Variants in KIFC3 observed in about 807,000 individuals in gnomAD.
KIFC3 encodes the protein kinesin family member C3.
A neutral mutation model predicts 101.8 loss-of-function variants in KIFC3; 60 were observed. The ratio of observed to expected loss-of-function variants is 0.59; its 90% confidence interval spans 0.48 to 0.73. The LOEUF (loss-of-function observed/expected upper bound fraction) is 0.73. KIFC3 is among the 30% of genes least tolerant of loss of function. The pLI, the probability that KIFC3 is intolerant of heterozygous loss-of-function variation, is 0.00. For missense variants in KIFC3, 966 were observed against 1,137.1 expected, an observed-to-expected ratio of 0.85 and a Z score of 2.16; for synonymous variants, 476 against 482.7, an observed-to-expected ratio of 0.99 and a Z score of 0.18.
intron 1 of KIFC3, among the ~76,000 whole-genome samples, chr16:57,860,777 A>G (rs1476105947): frequency 2.0e-5 from 3 of 152,126 alleles, no homozygotes; most frequent in Admixed American, 1.3e-4. Flanking sequence ...CAGTGGCACT[A>G]TCATGGCTTA....
At chr16:57,765,023 G>C (rs2050315283) in intron 11 of KIFC3, among the ~76,000 whole-genome samples, 1 of 151,796 alleles carries the variant, frequency 6.6e-6, no homozygotes. Flanking sequence ...CACCTGAATG[G>C]GAGGACCCAA....
rs782681615 is a variant in KIFC3 at position 57,828,614 on chromosome 16, C to T, written c.109-30332G>A. Reference sequence around the variant, plus strand: ...GTCCCAGCTCTACCCTGATGGATCCCGTCTCTGGCAGACCTGGGCAGAGGA... The same window carrying T: ...GTCCCAGCTCTACCCTGATGGATCCTGTCTCTGGCAGACCTGGGCAGAGGA... On this transcript the variant is annotated intron_variant, in intron 1 of 2. Transcript: ENST00000563028. Among the ~76,000 whole-genome samples the T allele has an allele frequency of 2.6e-5, 4 of 152,188 alleles. No homozygotes were observed. The East Asian group carries it at 5.8e-4, about 22-fold the overall frequency.
Position 57,798,233 on chromosome 16 carries a change from G to A in KIFC3, c.11C>T (p.Ser4Phe), listed in dbSNP as rs781791625. MVPSRRTWNLGATP... is the reference protein window; with the variant it reads MVPFRRTWNLGATP... ...GGCTCCCAGGTTCCACGTCCTGCGAGAGGGGACCATGGCCTGGGGCTCAGC... is the reference window on the plus strand; with the variant it reads ...GGCTCCCAGGTTCCACGTCCTGCGAAAGGGGACCATGGCCTGGGGCTCAGC... The change falls in exon 2 of 20, where the codon TCT (serine) becomes TTT (phenylalanine). Residue 4 changes from serine to phenylalanine, a missense_variant. Transcript: ENST00000445690. 4 of 1,552,030 alleles carry A rather than the reference G, an allele frequency of 2.6e-6. No homozygotes were observed. The South Asian group carries it at 4.7e-5, about 18-fold the overall frequency.
intron 1 of KIFC3, among the ~76,000 whole-genome samples, chr16:57,833,867 T>TC (rs1555479829): frequency 1.8e-5 from 1 of 56,590 alleles, no homozygotes. Context: ...ATGCAGTTGC[T>TC]TTTTTTTTTT....
chr16:57,786,056 T>G (rs2053283395), intron 3 of KIFC3, among the ~76,000 whole-genome samples: 1 of 152,194 alleles, frequency 6.6e-6, no homozygotes, highest in Non-Finnish European at 1.5e-5. Flanking sequence ...AGGAACGTTA[T>G]TTCTTTAAGT....
rs1316590604 is a variant in KIFC3 at position 57,850,943 on chromosome 16, CTCCCTCCTTCCTTCCTTCCT to C, written c.108+11766_108+11785del. On this transcript the variant is annotated intron_variant, in intron 1 of 2. Transcript: ENST00000563028. Reference sequence around the variant, plus strand: ...ATTTGATTTCAACTTCTTTCCTTCCCTCCCTCCTTCCTTCCTTCCTTCCTTCCTTCCTTCCTTCCTTCCTT... The same window carrying C: ...ATTTGATTTCAACTTCTTTCCTTCCCTCCTTCCTTCCTTCCTTCCTTCCTT... 2.2e-3 allele frequency among the ~76,000 whole-genome samples: 108 copies of C among 50,020 alleles called. 2 individuals are homozygous for C. Among genetic ancestry groups the C allele is most frequent in the East Asian group, 0.012 (12 of 1,014 alleles). The allele number at this position is 50,020 out of a possible 152,430, so 32.8% of individuals were successfully genotyped here.
intron 1 of KIFC3, among the ~76,000 whole-genome samples, chr16:57,821,064 G>A (rs1427166773): frequency 2.6e-5 from 4 of 151,866 alleles, no homozygotes; most frequent in Non-Finnish European, 5.9e-5. Context: ...GCAGAAGTTC[G>A]AGGCCGCAGT....
At chr16:57,809,468 T>G (rs571502862) in intron 1 of KIFC3, among the ~76,000 whole-genome samples, 1 of 152,276 alleles carries the variant, frequency 6.6e-6, no homozygotes, top group East Asian at 1.9e-4. Flanking sequence ...CAAAAAACTA[T>G]TTTAAATGGC....
intron 3 of KIFC3, among the ~76,000 whole-genome samples, chr16:57,792,865 C>CAAAAAAAAAAAAAAAAAAAAAAAAAA (rs35129462): frequency 2.6e-5 from 1 of 38,424 alleles, no homozygotes; most frequent in Non-Finnish European, 5.0e-5. Context: ...AGACCTTGCT[C>CAAAAAAAAAAAAAAAAAAAAAAAAAA]AAAAAAAAAA....
intron 1 of KIFC3, among the ~76,000 whole-genome samples, chr16:57,852,587 G>A (rs2056080267): frequency 1.3e-5 from 2 of 152,028 alleles, no homozygotes; most frequent in South Asian, 2.1e-4. Flanking sequence ...TTATCCTTAT[G>A]GATTTTTACT....
intron 18 of KIFC3, chr16:57,759,360 C>T: frequency 4.8e-6 from 3 of 629,426 alleles, no homozygotes; most frequent in Admixed American, 5.9e-5. Flanking sequence ...CCTTTCTACC[C>T]CCGGGGCAGC....
intron 3 of KIFC3, chr16:57,776,009 G>A (rs2052018254): frequency 1.0e-6 from 1 of 985,466 alleles, no homozygotes; most frequent in Middle Eastern, 5.2e-4. Flanking sequence ...CACTTCACAG[G>A]CAGAAGCGGC....
At chr16:57,836,961 T>A (rs1406937730) in intron 1 of KIFC3, among the ~76,000 whole-genome samples, 1 of 152,216 alleles carries the variant, frequency 6.6e-6, no homozygotes, top group Non-Finnish European at 1.5e-5. Flanking sequence ...CCCAAAGTGT[T>A]GAGATTACAG....
intron 1 of KIFC3, among the ~76,000 whole-genome samples, chr16:57,842,130 G>A (rs1394299264): frequency 3.9e-5 from 6 of 151,982 alleles, no homozygotes; most frequent in Non-Finnish European, 8.8e-5. Context: ...AACCTGGGAG[G>A]TGGAGGTTGC....
intron 1 of KIFC3, among the ~76,000 whole-genome samples, chr16:57,836,583 C>T (rs2055692395): frequency 6.6e-6 from 1 of 152,188 alleles, no homozygotes; most frequent in Admixed American, 6.5e-5. Context: ...TCTGTCTAAT[C>T]GAACTACCCC....
chr16:57,859,252 T>C (rs1188435169), intron 1 of KIFC3, among the ~76,000 whole-genome samples: 1 of 152,214 alleles, frequency 6.6e-6, no homozygotes, highest in Non-Finnish European at 1.5e-5. Context: ...AAAGATAATA[T>C]TGTGCCTGAT....
chr16:57,830,963 A>G (rs1251748748), intron 1 of KIFC3, among the ~76,000 whole-genome samples: 1 of 152,182 alleles, frequency 6.6e-6, no homozygotes, highest in Non-Finnish European at 1.5e-5. Context: ...GACAGGAGGT[A>G]GGAATCTTGC....
chr16:57,810,250 G>A (rs150925744), intron 1 of KIFC3, among the ~76,000 whole-genome samples: 2 of 152,136 alleles, frequency 1.3e-5, no homozygotes, highest in Non-Finnish European at 2.9e-5. Context: ...GGGAAGCCAC[G>A]TGCTCCTGGA....
rs782106880 is a variant in KIFC3 at position 57,758,769 on chromosome 16, G to T, written c.*165C>A. 1 of 1,080,040 alleles carries T rather than the reference G, an allele frequency of 9.3e-7. No individual in the cohort carries two copies. The highest frequency in any genetic ancestry group is 1.7e-5 in the Admixed American group (1 of 58,916). The allele number at this position is 1,080,040 out of a possible 1,614,324, so 66.9% of individuals were successfully genotyped here. On this transcript the variant is annotated 3_prime_UTR_variant, in exon 20 of 20. Coordinates refer to ENST00000445690, the MANE Select transcript of KIFC3 (RefSeq NM_001130100.2). ...TCTGAACATGTTTCTCATCTTTGAG[G>T]GGAGACGGGGCAGAAGAAGAGCCTC...
Sources: allele counts gnomAD v4.1 joint callset (sites outside exome capture counted in the v4.1 genomes callset), GRCh38; gene constraint gnomAD v4.1.1; transcripts MANE v1.5; gene names NCBI Gene and HGNC (gene_info 2026-07-23, HGNC 2026-07-21).